The following ADGRV1 variants were observed in gnomAD, a reference collection of about 807,000 sequenced individuals.
The protein encoded by ADGRV1 is G-protein coupled receptor 98.
In ADGRV1, 359 loss-of-function variants were observed where a neutral mutation model predicts 596.2. The ratio of observed to expected loss-of-function variants is 0.60; its 90% CI spans 0.55 to 0.66. The LOEUF is 0.66. Ranked by LOEUF, ADGRV1 falls within the 30% of genes least tolerant of loss-of-function variation. The pLI, the probability that ADGRV1 is intolerant of heterozygous loss-of-function variation, is 0.00. For missense variants in ADGRV1, 7,274 were observed against 7,575.6 expected, an observed-to-expected ratio of 0.96 and a Z score of 1.48; for synonymous variants, 2,681 against 2,679.2, an observed-to-expected ratio of 1.00 and a Z score of -0.02.
chr5:90,664,927 C>T (rs1001911199), intron 21 of ADGRV1, among the ~76,000 whole-genome samples: 4 of 151,872 alleles, frequency 2.6e-5, no homozygotes, highest in South Asian at 2.1e-4. Context: ...TATTAATTTG[C>T]GTATATTGAA....
At chr5:90,657,476 T>G (rs1258528361) in intron 20 of ADGRV1, among the ~76,000 whole-genome samples, 1 of 152,004 alleles carries the variant, frequency 6.6e-6, no homozygotes, top group Non-Finnish European at 1.5e-5. Flanking sequence ...AATTAAAAAT[T>G]GTGATGAATA....
intron 50 of ADGRV1, among the ~76,000 whole-genome samples, chr5:90,732,148 G>A (rs917299023): frequency 3.9e-5 from 6 of 152,078 alleles, no homozygotes; most frequent in African/African-American, 9.7e-5. Flanking sequence ...CTACAGGCAT[G>A]CTCCATCATG....
intron 21 of ADGRV1, among the ~76,000 whole-genome samples, chr5:90,660,175 G>A (rs138543561): frequency 3.3e-5 from 5 of 151,518 alleles, no homozygotes; most frequent in East Asian, 3.9e-4. Flanking sequence ...ATTTTTTTTC[G>A]AGAACTGTAG....
chr5:91,104,885 A>C (rs1372894256), intron 87 of ADGRV1, among the ~76,000 whole-genome samples: 4 of 132,386 alleles, frequency 3.0e-5, no homozygotes, highest in Non-Finnish European at 4.7e-5. Flanking sequence ...TTTGAGACAG[A>C]GTCTCACTCT....
intron 10 of ADGRV1, among the ~76,000 whole-genome samples, chr5:90,635,734 G>A (rs59458274): frequency 0.012 from 1,892 of 151,946 alleles, 40 homozygotes; most frequent in African/African-American, 0.044. Context: ...GGGACTACAG[G>A]TCTGTGCCAC....
At chr5:91,086,683 G>C (rs970905174) in intron 86 of ADGRV1, among the ~76,000 whole-genome samples, 3 of 152,048 alleles carry the variant, frequency 2.0e-5, no homozygotes, top group African/African-American at 4.8e-5. Flanking sequence ...CTAAATTTCT[G>C]TGCCTACCCC....
At chr5:91,022,106 A>G (rs544041433) in intron 85 of ADGRV1, among the ~76,000 whole-genome samples, 1 of 152,246 alleles carries the variant, frequency 6.6e-6, no homozygotes, top group Admixed American at 6.6e-5. Flanking sequence ...ACACAGTGGA[A>G]TACCTGATAT....
intron 74 of ADGRV1, among the ~76,000 whole-genome samples, chr5:90,812,239 T>A (rs114170072): frequency 1.2e-3 from 181 of 152,344 alleles, no homozygotes; most frequent in Middle Eastern, 3.4e-3. Context: ...AATCATACTG[T>A]ATTTCTTTAA....
chr5:90,992,943 A>T (rs1460374628), intron 85 of ADGRV1, among the ~76,000 whole-genome samples: 4 of 152,164 alleles, frequency 2.6e-5, no homozygotes, highest in Non-Finnish European at 5.9e-5. Flanking sequence ...CAGTGTGCAT[A>T]CATACTTACA....
At chr5:90,837,193 G>A (rs141762473) in intron 77 of ADGRV1, among the ~76,000 whole-genome samples, 2 of 152,140 alleles carry the variant, frequency 1.3e-5, no homozygotes, top group East Asian at 3.9e-4. Context: ...TATTATTCTA[G>A]TTATCTTTCA....
intron 83 of ADGRV1, among the ~76,000 whole-genome samples, chr5:90,893,362 A>G (rs1378901368): frequency 1.3e-5 from 2 of 151,976 alleles, no homozygotes; most frequent in Non-Finnish European, 1.5e-5. Context: ...TTGACAGTCT[A>G]CTCTTAGAAG....
At chr5:90,836,232 A>G (rs1289337151) in intron 77 of ADGRV1, among the ~76,000 whole-genome samples, 1 of 152,230 alleles carries the variant, frequency 6.6e-6, no homozygotes, top group Non-Finnish European at 1.5e-5. Context: ...AGTCCTGGAC[A>G]TTTATTCCTG....
chr5:91,098,929 T>C (rs1159006719), intron 86 of ADGRV1, among the ~76,000 whole-genome samples: 4 of 152,230 alleles, frequency 2.6e-5, no homozygotes, highest in African/African-American at 9.6e-5. Flanking sequence ...GTTGCCAGAC[T>C]TGATACCTAA....
At chr5:90,629,003 C>T in intron 8 of ADGRV1, 171 bp downstream of exon 8, 1 of 712,306 alleles carries the variant, frequency 1.4e-6, no homozygotes, top group Non-Finnish European at 2.1e-6. Context: ...AAATATTTTA[C>T]CCTCTAAAAA....
In ADGRV1 at chr5:90,652,342, G is replaced by T; in HGVS notation, c.3417-4G>T. On this transcript the variant is annotated splice_polypyrimidine_tract_variant and splice_region_variant and intron_variant, in intron 18 of 89. Coordinates refer to ENST00000405460, the MANE Select transcript of ADGRV1 (RefSeq NM_032119.4). ...TTATAAATTTTCTTTAATTTATTTT[G>T]TAGGATTTTGAGGCACCGAGGATAC... 1 of 1,562,100 alleles carries T rather than the reference G, an allele frequency of 6.4e-7. No individual in the cohort carries two copies. The highest frequency in any genetic ancestry group is 8.7e-7 in the Non-Finnish European group (1 of 1,155,922).
At chr5:90,600,425 A>G (rs1362338110) in intron 1 of ADGRV1, among the ~76,000 whole-genome samples, 1 of 151,874 alleles carries the variant, frequency 6.6e-6, no homozygotes, top group Non-Finnish European at 1.5e-5. Flanking sequence ...TGTCCTTGTG[A>G]TAGTTTGCTG....
intron 21 of ADGRV1, among the ~76,000 whole-genome samples, chr5:90,666,609 C>T (rs1444160864): frequency 1.6e-5 from 2 of 126,562 alleles, no homozygotes; most frequent in Non-Finnish European, 3.3e-5. Context: ...AGTCCATTTA[C>T]ATTTAAAGTT....
At chr5:90,922,140 G>A (rs570232326) in intron 83 of ADGRV1, among the ~76,000 whole-genome samples, 40 of 152,270 alleles carry the variant, frequency 2.6e-4, no homozygotes, top group African/African-American at 8.7e-4. Flanking sequence ...GTCTTCCAGG[G>A]CCTTTCCTTC....
chr5:90,848,870 C>A, intron 79 of ADGRV1, 49 bp downstream of exon 79: 1 of 1,349,640 alleles, frequency 7.4e-7, no homozygotes, highest in South Asian at 1.4e-5. Context: ...ATTTTTTTCA[C>A]TGTTTACAAA....
Sources: allele counts gnomAD v4.1 joint callset (sites outside exome capture counted in the v4.1 genomes callset), GRCh38; gene constraint gnomAD v4.1.1; transcripts MANE v1.5; gene names NCBI Gene and HGNC (gene_info 2026-07-23, HGNC 2026-07-21).